Variants in TMEM135 observed in about 807,000 individuals in gnomAD.
The protein encoded by TMEM135 is transmembrane protein 135.
Under a neutral mutation model 60.3 loss-of-function variants are expected in TMEM135, and 30 were observed. That is an observed-to-expected ratio of 0.50 (90% CI 0.37 to 0.68). The LOEUF (loss-of-function observed/expected upper bound fraction) is 0.68, where lower values mean the gene tolerates loss of function less well. TMEM135 is among the 30% of genes least tolerant of loss of function. TMEM135 has a pLI of 0.00. For synonymous variants in TMEM135, 190 were observed against 186.7 expected, an observed-to-expected ratio of 1.02 and a Z score of -0.14; for missense variants, 468 against 548.8, an observed-to-expected ratio of 0.85 and a Z score of 1.47.
chr11:87,223,667 G>A (rs560330), intron 5 of TMEM135, among the ~76,000 whole-genome samples: 23,664 of 118,492 alleles, frequency 0.2, 2,940 homozygotes, highest in African/African-American at 0.38. Context: ...GCACATGCAC[G>A]CACACACACA....
At chr11:87,047,282 T>C (rs987272620) in intron 1 of TMEM135, among the ~76,000 whole-genome samples, 2 of 152,124 alleles carry the variant, frequency 1.3e-5, no homozygotes, top group Non-Finnish European at 2.9e-5. Flanking sequence ...AACAGCCAGA[T>C]TGTTAAAAAA....
chr11:87,272,285 A>G (rs1941883935), intron 6 of TMEM135, among the ~76,000 whole-genome samples: 1 of 151,560 alleles, frequency 6.6e-6, no homozygotes, highest in Non-Finnish European at 1.5e-5. Context: ...CAAACTCCTG[A>G]CCTCAGGCAA....
intron 5 of TMEM135, 69 bp from the exon 6 acceptor site, chr11:87,236,569 C>G (rs1941000391): frequency 1.4e-6 from 2 of 1,387,762 alleles, no homozygotes; most frequent in African/African-American, 2.8e-5. Context: ...TAGTATTTTG[C>G]TTTTATGAGT....
Position 87,309,526 on chromosome 11 carries a change from G to A in TMEM135, c.790G>A (p.Val264Met), listed in dbSNP as rs753736606. 18 of 1,613,748 alleles carry A rather than the reference G, an allele frequency of 1.1e-5. No homozygotes were observed. The Middle Eastern group carries it at 6.6e-4, about 59-fold the overall frequency. The part of the protein sequence containing the change: ...CIKGFIRMFS[V>M]GYLIQCCLRI... ...CTAGGGTTTCATCAGAATGTTTAGC[G>A]TGGGGTACTTGATCCAGTGCTGCCT... The change falls in exon 10 of 15, where the codon GTG (valine) becomes ATG (methionine). Residue 264 changes from valine to methionine, a missense_variant. Coordinates refer to ENST00000305494, the MANE Select transcript of TMEM135 (RefSeq NM_022918.4).
At chr11:87,303,815 A>T (rs1278012439) in intron 8 of TMEM135, among the ~76,000 whole-genome samples, 2 of 152,204 alleles carry the variant, frequency 1.3e-5, no homozygotes, top group Admixed American at 1.3e-4. Flanking sequence ...AATGGAAATA[A>T]TTTCAACAGT....
intron 5 of TMEM135, among the ~76,000 whole-genome samples, chr11:87,213,945 A>AT (rs1158338051): frequency 1.3e-5 from 2 of 152,336 alleles, no homozygotes; most frequent in African/African-American, 4.8e-5. Context: ...AAATATGTAT[A>AT]TAAGTGAACC....
At position 87,327,393 on chromosome 11, in the gene TMEM135, T is replaced by G; in HGVS notation, c.*6060T>G. The G allele has an allele frequency of 2.2e-6, 1 of 454,038 alleles. No homozygotes were observed. The highest frequency in any genetic ancestry group is 4.4e-6 in the Non-Finnish European group (1 of 226,786). 28.1% of individuals were successfully genotyped at this position (454,038 alleles called of 1,614,324 possible). ...CCAGGTCAGAAAAATAGAAAGAACCTGCTTCTGTGAGCCACTGAATGGTGC... is the reference window on the plus strand; with the variant it reads ...CCAGGTCAGAAAAATAGAAAGAACCGGCTTCTGTGAGCCACTGAATGGTGC... On this transcript the variant is annotated 3_prime_UTR_variant, in exon 15 of 15. Transcript: ENST00000305494.
chr11:87,283,807 G>A lies in TMEM135; in HGVS notation c.510-11975G>A, dbSNP rs370350415. On this transcript the variant is annotated intron_variant, in intron 6 of 14. Coordinates refer to ENST00000305494, the MANE Select transcript of TMEM135 (RefSeq NM_022918.4). ...TGGGTGGTGGAGGTTGCAGTGAGCCGAGATCGCGTCATTGCACTCCAGCCT... is the reference window on the plus strand; with the variant it reads ...TGGGTGGTGGAGGTTGCAGTGAGCCAAGATCGCGTCATTGCACTCCAGCCT... Among the ~76,000 whole-genome samples, 295 of 152,244 alleles carry A rather than the reference G, an allele frequency of 1.9e-3. 1 individual carries two copies. In the Middle Eastern group the frequency reaches 0.02, roughly 11 times the overall value.
chr11:87,178,444 T>C, intron 5 of TMEM135: 1 of 456,242 alleles, frequency 2.2e-6, no homozygotes, highest in South Asian at 1.5e-5. Flanking sequence ...ATAATGCGTT[T>C]TGTTTTTTTG....
intron 4 of TMEM135, among the ~76,000 whole-genome samples, chr11:87,138,729 T>C (rs1016219902): frequency 6.6e-6 from 1 of 152,202 alleles, no homozygotes; most frequent in Non-Finnish European, 1.5e-5. Flanking sequence ...GTCTGACAAC[T>C]TTTTGCTTGG....
At chr11:87,049,863 AT>A (rs1282069335) in intron 1 of TMEM135, among the ~76,000 whole-genome samples, 1 of 114,850 alleles carries the variant, frequency 8.7e-6, no homozygotes, top group Non-Finnish European at 1.8e-5. Context: ...CACAATATAC[AT>A]TTTTTTGAGC....
At chr11:87,305,804 T>A (rs569993005) in intron 8 of TMEM135, 132 bp from the exon 9 acceptor site, 1 of 411,960 alleles carries the variant, frequency 2.4e-6, no homozygotes, top group African/African-American at 2.1e-5. Flanking sequence ...AATAAATAAA[T>A]AAAGTGATGT....
intron 6 of TMEM135, among the ~76,000 whole-genome samples, chr11:87,273,450 A>G (rs762797867): frequency 6.6e-6 from 1 of 152,062 alleles, no homozygotes; most frequent in African/African-American, 2.4e-5. Context: ...TCCTTTATCC[A>G]TTGATATTCT....
chr11:87,214,332 T>G (rs1940449701), intron 5 of TMEM135, among the ~76,000 whole-genome samples: 1 of 152,194 alleles, frequency 6.6e-6, no homozygotes, highest in Admixed American at 6.5e-5. Context: ...AGCAGCCTTT[T>G]TTCAAACTTC....
intron 5 of TMEM135, among the ~76,000 whole-genome samples, chr11:87,183,955 C>CAAAAA (rs71040297): frequency 2.5e-5 from 2 of 80,100 alleles, no homozygotes; most frequent in African/African-American, 5.5e-5. Context: ...GACTTCGTCG[C>CAAAAA]AAAAAAAAAA....
At chr11:87,097,500 T>C (rs1252448080) in intron 4 of TMEM135, among the ~76,000 whole-genome samples, 1 of 152,180 alleles carries the variant, frequency 6.6e-6, no homozygotes, top group East Asian at 1.9e-4. Context: ...ATGATAGTAA[T>C]CTTAACTATC....
chr11:87,077,754 C>A (rs1856904436), intron 3 of TMEM135, among the ~76,000 whole-genome samples: 1 of 152,166 alleles, frequency 6.6e-6, no homozygotes, highest in Non-Finnish European at 1.5e-5. Flanking sequence ...ACCCCCTAAT[C>A]CTTCATCCTC....
intron 5 of TMEM135, among the ~76,000 whole-genome samples, chr11:87,173,125 T>C (rs1015690092): frequency 6.6e-6 from 1 of 152,292 alleles, no homozygotes; most frequent in South Asian, 2.1e-4. Context: ...GTTATTATTT[T>C]TGTCTTTACT....
chr11:87,238,631 G>A (rs1410692829), intron 6 of TMEM135, among the ~76,000 whole-genome samples: 2 of 152,032 alleles, frequency 1.3e-5, no homozygotes, highest in Non-Finnish European at 2.9e-5. Flanking sequence ...GAAGTGGGTT[G>A]TGGGAGTTAG....
Sources: gnomAD v4.1 joint callset for allele counts (sites outside exome capture counted in the v4.1 genomes callset) on GRCh38, gnomAD v4.1.1 for gene constraint, MANE v1.5 for transcripts, NCBI Gene and HGNC (gene_info 2026-07-23, HGNC 2026-07-21) for gene names.